Variants in GOLGA8S observed in about 807,000 individuals in gnomAD.
The protein encoded by GOLGA8S is golgin A8 family member S.
GOLGA8S carries 23 observed loss-of-function variants against 58.9 expected under a neutral mutation model. The observed-to-expected ratio is 0.39, with a 90% CI of 0.28 to 0.55. The LOEUF (loss-of-function observed/expected upper bound fraction) is 0.55, where lower values mean the gene tolerates loss of function less well. Among genes scored for constraint, GOLGA8S ranks in the 20% least tolerant of loss-of-function variants. GOLGA8S has a pLI of 0.63. For synonymous variants in GOLGA8S, 84 were observed against 195.7 expected (o/e 0.43, Z 4.76); for missense variants, 266 against 514.2 (o/e 0.52, Z 4.67).
exon 16 of GOLGA8S, chr15:23,364,345 C>T (rs1409628336): frequency 1.6e-5 from 25 of 1,602,064 alleles, no homozygotes; most frequent in Non-Finnish European, 2.1e-5. Context: ...GGCTCCAGAG[C>T]AGCTTTATGG....
intron 4 of GOLGA8S, among the ~76,000 whole-genome samples, chr15:23,357,832 T>C (rs983055914): frequency 4.7e-5 from 7 of 150,016 alleles, no homozygotes; most frequent in Non-Finnish European, 1.0e-4. Flanking sequence ...CAGATGCCCC[T>C]GCTCGAGTCC....
rs1402161880 is a variant in GOLGA8S, at chr15:23,364,105, G to T, written c.1348-238G>T. Among the ~76,000 whole-genome samples the T allele has an allele frequency of 8.5e-4, 111 of 130,700 alleles. 8 individuals are homozygous for T. The highest frequency in any genetic ancestry group is 1.1e-3 in the African/African-American group (41 of 37,614). The allele number at this position is 130,700 out of a possible 152,430, so 85.7% of individuals were successfully genotyped here. A position where few individuals can be genotyped will look rare whatever the true frequency, so the allele number is the denominator to read the frequency against. ...AAGAGCAGGTGAAAGAGCAGAGGGTGGCTGCCAGCGCCTGGCTCACCTGGT... is the reference window on the plus strand; with the variant it reads ...AAGAGCAGGTGAAAGAGCAGAGGGTTGCTGCCAGCGCCTGGCTCACCTGGT... On this transcript the variant is annotated intron_variant, in intron 15 of 18. Transcript: ENST00000562295.
At chr15:23,358,045 C>G (rs1399817047) in intron 4 of GOLGA8S, among the ~76,000 whole-genome samples, 2 of 150,914 alleles carry the variant, frequency 1.3e-5, no homozygotes, top group Non-Finnish European at 1.5e-5. Context: ...GATTTAAAGG[C>G]CTCCTAGAAT....
At chr15:23,365,978 C>T (rs2069916409), downstream of GOLGA8S, 1 of 150,994 alleles carries the variant, frequency 6.6e-6, no homozygotes, top group South Asian at 2.2e-4. Flanking sequence ...TGAAAGGTTC[C>T]CATCGTTGAC....
At chr15:23,359,940 G>C (rs2141024090) in intron 8 of GOLGA8S, among the ~76,000 whole-genome samples, 1 of 149,350 alleles carries the variant, frequency 6.7e-6, no homozygotes, top group African/African-American at 2.5e-5. Context: ...GGGATTGCTA[G>C]CATGGTATCT....
rs758785376 is a variant in GOLGA8S at position 23,361,170 on chromosome 15, T to TTTTCTTTTGTTTTCTTTTCTTTTCTTTTC, written c.875-48_875-47insCTTTTGTTTTCTTTTCTTTTCTTTTCTTT. On this transcript the variant is annotated intron_variant, in intron 11 of 18. Transcript: ENST00000562295. ...TTTTCTTTTCTTTTCTTTTCTTTTCTTTTTTTTTTTTTGGAATCCAGAGGC... is the reference window on the plus strand; with the variant it reads ...TTTTCTTTTCTTTTCTTTTCTTTTCTTTTCTTTTGTTTTCTTTTCTTTTCTTTTCTTTTTTTTTTTTGGAATCCAGAGGC... The TTTTCTTTTGTTTTCTTTTCTTTTCTTTTC allele has an allele frequency of 1.0e-5, 3 of 298,622 alleles. No individual in the cohort carries two copies. In the African/African-American group the frequency reaches 1.3e-4, roughly 13 times the overall value. The allele number at this position is 298,622 out of a possible 1,614,324, so 18.5% of individuals were successfully genotyped here.
At chr15:23,366,108 C>T (rs926701852), downstream of GOLGA8S, 27 of 151,506 alleles carry the variant, frequency 1.8e-4, no homozygotes, top group African/African-American at 6.5e-4. Context: ...CAAAAGGGCA[C>T]TGGTTGGCAT....
Position 23,364,458 on chromosome 15 carries a change from A to G in GOLGA8S, c.1448+15A>G. On this transcript the variant is annotated intron_variant, in intron 16 of 18. Coordinates refer to ENST00000562295, the Ensembl canonical transcript of GOLGA8S. ...AGATGCCATCAGTGAGTGGGAGGCC[A>G]GGGCACAGCAGGGGGAGCTACAGGG... 6.2e-7 allele frequency: 1 copy of G among 1,604,516 alleles called. No homozygotes were observed. Among genetic ancestry groups the G allele is most frequent in the Non-Finnish European group, 8.5e-7 (1 of 1,178,456 alleles).
rs1213427380 is a variant in GOLGA8S at position 23,361,680 on chromosome 15, C to T, written c.1111-44C>T. ...GGAGGCAGTCACCAAGTTCTGGGGT[C>T]TCCAGCTGCAGTGGGTGGCTGCTGA... On this transcript the variant is annotated intron_variant, in intron 12 of 18. Coordinates refer to ENST00000562295, the Ensembl canonical transcript of GOLGA8S. The T allele has an allele frequency of 4.6e-6, 3 of 655,170 alleles. No individual in the cohort carries two copies. In the East Asian group the frequency reaches 8.2e-5, roughly 18 times the overall value. The allele number at this position is 655,170 out of a possible 1,614,324, so 40.6% of individuals were successfully genotyped here.
In GOLGA8S at chr15:23,365,125, A is replaced by G. The variant is rs913515445; in HGVS notation, c.1869A>G (p.Arg623=). 3 of 1,588,178 alleles carry G rather than the reference A, an allele frequency of 1.9e-6. 1 individual carries two copies. The highest frequency in any genetic ancestry group is 2.8e-5 in the African/African-American group (2 of 72,538). Residue 623 remains arginine (R), a synonymous_variant, in exon 19 of 19, where the codon AGA becomes AGG. Coordinates refer to ENST00000562295, the Ensembl canonical transcript of GOLGA8S. ...TTTGCTGGGCTTGGCTGCCAAGAAG[A>G]AGGAGATAAACATCACCATCATCAA... is the stretch of plus-strand genomic sequence containing the variant.
At position 23,361,137 on chromosome 15, in the gene GOLGA8S, T is replaced by TGTCTTG. The variant is rs1567268219; in HGVS notation, c.875-84_875-83insGTCTTG. 4 of 870,498 alleles carry TGTCTTG rather than the reference T, an allele frequency of 4.6e-6. No individual in the cohort carries two copies. In the African/African-American group the frequency reaches 1.0e-4, roughly 22 times the overall value. 53.9% of individuals were successfully genotyped at this position (870,498 alleles called of 1,614,324 possible). A position where few individuals can be genotyped will look rare whatever the true frequency, so the allele number is the denominator to read the frequency against. ...AGCTGTGCGCCAAGAGGAGGGTTTT[T>TGTCTTG]TCTTTTCTTTTCTTTTCTTTTCTTT... On this transcript the variant is annotated intron_variant, in intron 11 of 18. Transcript: ENST00000562295.
downstream of GOLGA8S, chr15:23,365,670 G>T (rs1054342170): frequency 2.2e-5 from 4 of 179,480 alleles, 1 homozygote; most frequent in African/African-American, 9.7e-5. Flanking sequence ...CTGACATTTA[G>T]AGTTGTTTAA....
At chr15:23,362,589 G>A (rs1428311539) in intron 13 of GOLGA8S, among the ~76,000 whole-genome samples, 1 of 138,530 alleles carries the variant, frequency 7.2e-6, no homozygotes, top group Non-Finnish European at 1.6e-5. Context: ...GCAGATGGTG[G>A]TTGGCTCCCA....
downstream of GOLGA8S, chr15:23,366,461 G>A (rs545958672): frequency 6.6e-6 from 1 of 151,852 alleles, no homozygotes; most frequent in African/African-American, 2.4e-5. Flanking sequence ...TTTAGTAGAC[G>A]GTATTATACT....
Position 23,360,718 on chromosome 15 carries a change from C to G in GOLGA8S, c.787-10C>G. Reference sequence around the variant, plus strand: ...CTCTCCAGGGCCCTTTCCCCCTGTGCTTTGGGCAGGTTTGCTCGTTGAAGA... The same window carrying G: ...CTCTCCAGGGCCCTTTCCCCCTGTGGTTTGGGCAGGTTTGCTCGTTGAAGA... On this transcript the variant is annotated splice_polypyrimidine_tract_variant and intron_variant, in intron 10 of 18. Coordinates refer to ENST00000562295, the Ensembl canonical transcript of GOLGA8S. 1 of 1,081,466 alleles carries G rather than the reference C, an allele frequency of 9.2e-7. No individual in the cohort carries two copies. Among genetic ancestry groups the G allele is most frequent in the Non-Finnish European group, 1.4e-6 (1 of 697,536 alleles). The allele number at this position is 1,081,466 out of a possible 1,614,324, so 67.0% of individuals were successfully genotyped here.
At position 23,364,455 on chromosome 15, in the gene GOLGA8S, G is replaced by A. The variant is rs1160778967; in HGVS notation, c.1448+12G>A. On this transcript the variant is annotated intron_variant, in intron 16 of 18. Transcript: ENST00000562295. ...GAGAGATGCCATCAGTGAGTGGGAG[G>A]CCAGGGCACAGCAGGGGGAGCTACA... 1.2e-6 allele frequency: 2 copies of A among 1,604,304 alleles called. No homozygotes were observed. The highest frequency in any genetic ancestry group is 3.3e-5 in the Admixed American group (2 of 59,978).
chr15:23,358,086 T>C (rs538874537), intron 4 of GOLGA8S, among the ~76,000 whole-genome samples: 2 of 151,312 alleles, frequency 1.3e-5, no homozygotes, highest in South Asian at 4.2e-4. Flanking sequence ...CTCCTGTCTG[T>C]CCTTTTCCAC....
rs1342694943 is a variant in GOLGA8S, at chr15:23,360,584, C to T, written c.786+52C>T. ...ACATTAGATAGGTCACTGGATCTTT[C>T]TGGGCACCTGTAAAATGGGAATAGT... On this transcript the variant is annotated intron_variant, in intron 10 of 18. Transcript: ENST00000562295. 7 of 986,058 alleles carry T rather than the reference C, an allele frequency of 7.1e-6. No homozygotes were observed. The African/African-American group carries it at 8.1e-5, about 11-fold the overall frequency. The allele number at this position is 986,058 out of a possible 1,614,324, so 61.1% of individuals were successfully genotyped here.
chr15:23,366,241 C>A (rs899562128), downstream of GOLGA8S: 2 of 151,424 alleles, frequency 1.3e-5, no homozygotes, highest in African/African-American at 4.8e-5. Context: ...TGACACCTGG[C>A]ATTCCTCTCT....
Sources: gnomAD v4.1 joint callset for allele counts (sites outside exome capture counted in the v4.1 genomes callset) on GRCh38, gnomAD v4.1.1 for gene constraint, MANE v1.5 for transcripts, NCBI Gene and HGNC (gene_info 2026-07-23, HGNC 2026-07-21) for gene names.